Variants in EPS8L1 observed in about 807,000 individuals in gnomAD.
EPS8L1 encodes the protein epidermal growth factor receptor kinase substrate 8-like protein 1.
EPS8L1 carries 101 observed loss-of-function variants against 91.7 expected under a neutral mutation model. The observed-to-expected ratio is 1.10, with a 90% CI of 0.94 to 1.30. The LOEUF (loss-of-function observed/expected upper bound fraction) is 1.30. Among genes scored for constraint, EPS8L1 ranks in the 50% most tolerant of loss-of-function variants. EPS8L1 has a pLI of 0.00. For missense variants in EPS8L1, 1,114 were observed against 1,017.0 expected (o/e 1.10, Z -1.30); for synonymous variants, 506 against 445.3 (o/e 1.14, Z -1.72).
Position 55,087,594 on chromosome 19 carries a change from G to A in EPS8L1, c.2152G>A (p.Val718Met). The A allele has an allele frequency of 1.2e-6, 2 of 1,614,230 alleles. No homozygotes were observed. The highest frequency in any genetic ancestry group is 1.3e-5 in the African/African-American group (1 of 75,048). ...EKQKKKVEGE[V>M]EMEVI Reference sequence around the variant, plus strand: ...GCAAAAGAAGAAGGTGGAAGGCGAGGTGGAAATGGAGGTCATTTGACCTGC... The same window carrying A: ...GCAAAAGAAGAAGGTGGAAGGCGAGATGGAAATGGAGGTCATTTGACCTGC... The change falls in exon 20 of 20, where the codon GTG becomes ATG. Residue 718 changes from valine to methionine, a missense_variant. Physicochemically the swap from Val to Met is conservative, Grantham distance 21. Coordinates refer to ENST00000201647, the MANE Select transcript of EPS8L1 (RefSeq NM_133180.3).
intron 17 of EPS8L1, 78 bp from the exon 18 acceptor site, chr19:55,086,636 C>CCCCCCCCCCCCCCCCCCAGGG: frequency 5.2e-6 from 5 of 956,948 alleles, no homozygotes; most frequent in Non-Finnish European, 7.1e-6. Context: ...CGCTGGAGCG[C>CCCCCCCCCCCCCCCCCCAGGG]CCCCCCGCCC....
intron 5 of EPS8L1, 117 bp from the exon 6 acceptor site, chr19:55,080,012 T>A: frequency 6.9e-7 from 1 of 1,440,808 alleles, no homozygotes; most frequent in South Asian, 1.4e-5. Flanking sequence ...ACAGGGCTGT[T>A]ATCCCTAACC....
intron 5 of EPS8L1, 67 bp downstream of exon 5, chr19:55,079,918 CT>C: frequency 1.3e-6 from 2 of 1,515,656 alleles, no homozygotes; most frequent in Non-Finnish European, 1.8e-6. Flanking sequence ...GGGTGTGAAT[CT>C]TGGCTCCTGC....
Position 55,080,165 on chromosome 19 carries a change from C to A in EPS8L1, c.316C>A (p.Arg106Ser). 1 of 1,527,984 alleles carries A rather than the reference C, an allele frequency of 6.5e-7. No individual in the cohort carries two copies. The highest frequency in any genetic ancestry group is 8.8e-7 in the Non-Finnish European group (1 of 1,131,400). 94.7% of individuals were successfully genotyped at this position (1,527,984 alleles called of 1,614,324 possible). A position where few individuals can be genotyped will look rare whatever the true frequency, so the allele number is the denominator to read the frequency against. ...GTCGTACCCACTGGGCGCCATCGTGCGCTGTGACGCGGTGATGCCACCCGG... is the reference window on the plus strand; with the variant it reads ...GTCGTACCCACTGGGCGCCATCGTGAGCTGTGACGCGGTGATGCCACCCGG... ...LESYPLGAIVRCDAVMPPGRS... is the reference protein window; with the variant it reads ...LESYPLGAIVSCDAVMPPGRS... The change falls in exon 6 of 20, where the codon CGC becomes AGC. Residue 106 changes from arginine (R) to serine (S), a missense_variant. By Grantham distance (110) the Arg-to-Ser change is moderately radical (BLOSUM62 -1). Transcript: ENST00000201647.
At chr19:55,079,654 C>T (rs2076210300) in intron 4 of EPS8L1, 36 bp from the exon 5 acceptor site, 12 of 1,600,958 alleles carry the variant, frequency 7.5e-6, no homozygotes, top group Non-Finnish European at 1.0e-5. Flanking sequence ...CTGGCATCAT[C>T]TTGGGCCTCA....
Position 55,082,274 on chromosome 19 carries a change from G to A in EPS8L1, c.991-1G>A, listed in dbSNP as rs2076283849. The A allele has an allele frequency of 6.2e-7, 1 of 1,611,478 alleles. No individual in the cohort carries two copies. Among genetic ancestry groups the A allele is most frequent in the Non-Finnish European group, 8.5e-7 (1 of 1,179,374 alleles). ...CAACCACCTCCCTCCCCACGCCCCA[G>A]GCCCGGCTGCGCGGCAACATCGCCG... On this transcript the variant is annotated splice_acceptor_variant, in intron 10 of 19. Coordinates refer to ENST00000201647, the MANE Select transcript of EPS8L1 (RefSeq NM_133180.3). LOFTEE classifies it high-confidence loss of function.
In EPS8L1 at chr19:55,082,516, G is replaced by C; in HGVS notation, c.1128G>C (p.Ser376=). 1 of 1,612,314 alleles carries C rather than the reference G, an allele frequency of 6.2e-7. No homozygotes were observed. The highest frequency in any genetic ancestry group is 8.5e-7 in the Non-Finnish European group (1 of 1,179,720). The change falls in exon 12 of 20, where the codon TCG becomes TCC. Residue 376 remains serine, a synonymous_variant. Coordinates refer to ENST00000201647, the MANE Select transcript of EPS8L1 (RefSeq NM_133180.3). ...ASSVRRPHLT[S]DAVALLRDNV... ...GTGTGCGGCGGCCGCATCTGACATC[G>C]GATGCCGTGGCGCTGCTGCGGGACA...
chr19:55,077,663 A>C (rs2076157182), intron 2 of EPS8L1, among the ~76,000 whole-genome samples: 1 of 134,732 alleles, frequency 7.4e-6, no homozygotes, highest in South Asian at 2.3e-4. Flanking sequence ...ATCTGGACTC[A>C]CTGCAACCTC....
In EPS8L1 at chr19:55,076,398, T is replaced by C; in HGVS notation, c.-37-10T>C. 2 of 1,608,676 alleles carry C rather than the reference T, an allele frequency of 1.2e-6. No individual in the cohort carries two copies. The highest frequency in any genetic ancestry group is 1.7e-6 in the Non-Finnish European group (2 of 1,177,384). ...ACTGGCCAGGCCTTCACATGTTTGC[T>C]GGCTCCCAGGGCACCTCCAGGTGGG... On this transcript the variant is annotated splice_polypyrimidine_tract_variant and intron_variant, in intron 1 of 19. Transcript: ENST00000201647.
chr19:55,079,367 G>T (rs191607970), intron 4 of EPS8L1, among the ~76,000 whole-genome samples: 1 of 152,188 alleles, frequency 6.6e-6, no homozygotes, highest in South Asian at 2.1e-4. Flanking sequence ...CCACAGAGGC[G>T]CCTGGTGCTC....
chr19:55,080,315 ACTGGGCGGAGCCTGGAGC>A, intron 6 of EPS8L1, 37 bp downstream of exon 6: 1 of 1,538,902 alleles, frequency 6.5e-7, no homozygotes, highest in Non-Finnish European at 8.8e-7. Context: ...TGGAGCTGGA[ACTGGGCGGAGCCTGGAGC>A]CGGGGCGGAA....
Position 55,076,435 on chromosome 19 carries a change from A to AGGTG in EPS8L1, c.-10_-9insGGTG. ...CACCTCCAGGTGGGCAGGAGCTACCACTCAGCACCATGAGCACCGCCACAG... is the reference window on the plus strand; with the variant it reads ...CACCTCCAGGTGGGCAGGAGCTACCAGGTGCTCAGCACCATGAGCACCGCCACAG... On this transcript the variant is annotated 5_prime_UTR_variant, in exon 2 of 20. Coordinates refer to ENST00000201647, the MANE Select transcript of EPS8L1 (RefSeq NM_133180.3). 1 of 1,612,048 alleles carries AGGTG rather than the reference A, an allele frequency of 6.2e-7. No individual in the cohort carries two copies. The highest frequency in any genetic ancestry group is 8.5e-7 in the Non-Finnish European group (1 of 1,179,190).
chr19:55,080,044 C>G, intron 5 of EPS8L1, 85 bp from the exon 6 acceptor site: 2 of 1,452,442 alleles, frequency 1.4e-6, no homozygotes, highest in African/African-American at 1.4e-5. Flanking sequence ...TGAGGTTGCC[C>G]TGACCTGCTG....
chr19:55,078,134 CG>C lies in EPS8L1; in HGVS notation c.58+12del, dbSNP rs1040223287. The C allele has an allele frequency of 3.7e-6, 6 of 1,612,656 alleles. No homozygotes were observed. Among genetic ancestry groups the C allele is most frequent in the Non-Finnish European group, 5.1e-6 (6 of 1,179,434 alleles). ...AAGCGCCAAGTCTATCTATGGTGAGCGGGGGGCAAGGGAGCCCCAGGCCCAT... is the reference window on the plus strand; with the variant it reads ...AAGCGCCAAGTCTATCTATGGTGAGCGGGGGCAAGGGAGCCCCAGGCCCAT... On this transcript the variant is annotated splice_region_variant and intron_variant, in intron 3 of 19. Coordinates refer to ENST00000201647, the MANE Select transcript of EPS8L1 (RefSeq NM_133180.3).
In EPS8L1 at chr19:55,080,565, C is replaced by T. The variant is rs1218196644; in HGVS notation, c.430-207C>T. On this transcript the variant is annotated intron_variant, in intron 6 of 19. Coordinates refer to ENST00000201647, the MANE Select transcript of EPS8L1 (RefSeq NM_133180.3). ...AGGTGGGGGCGAGGAACCACCCGGA[C>T]TGGGTCTCCATGGGCGGGGTCGTGG... The T allele has an allele frequency of 7.5e-6, 12 of 1,609,676 alleles. No individual in the cohort carries two copies. In the East Asian group the frequency reaches 2.7e-4, roughly 36 times the overall value.
At chr19:55,082,701 G>GT in intron 12 of EPS8L1, 99 bp downstream of exon 12, 1 of 1,190,520 alleles carries the variant, frequency 8.4e-7, no homozygotes, top group South Asian at 1.5e-5. Flanking sequence ...GACTAGGAGA[G>GT]TAGGGAGGGG....
chr19:55,081,968 G>A lies in EPS8L1; in HGVS notation c.901+69G>A, dbSNP rs1471789251. 43 of 1,561,238 alleles carry A rather than the reference G, an allele frequency of 2.8e-5. No homozygotes were observed. The highest frequency in any genetic ancestry group is 3.6e-5 in the Non-Finnish European group (42 of 1,152,512). ...CTTCCAAATGTCCCCGCTCTCCCCA[G>A]GCTCTCCCCTCCCGCCACTTGCCAG... On this transcript the variant is annotated intron_variant, in intron 9 of 19. Coordinates refer to ENST00000201647, the MANE Select transcript of EPS8L1 (RefSeq NM_133180.3). The surrounding 1 kb of genome is among the most constrained non-coding windows in gnomAD (Gnocchi z 4.9).
Position 55,079,657 on chromosome 19 carries a change from G to T in EPS8L1, c.118-33G>T, listed in dbSNP as rs111227085. On this transcript the variant is annotated intron_variant, in intron 4 of 19. Coordinates refer to ENST00000201647, the MANE Select transcript of EPS8L1 (RefSeq NM_133180.3). Reference sequence around the variant, plus strand: ...TTCTGAGCCCACCTGGCATCATCTTGGGCCTCACTGCTTTCTCCATGGTCC... The same window carrying T: ...TTCTGAGCCCACCTGGCATCATCTTTGGCCTCACTGCTTTCTCCATGGTCC... The T allele has an allele frequency of 4.4e-4, 697 of 1,602,070 alleles. 5 individuals are homozygous for T. The African/African-American group carries it at 7.4e-3, about 17-fold the overall frequency.
In EPS8L1 at chr19:55,083,263, C is replaced by T. The variant is rs879033999; in HGVS notation, c.1215-115C>T. On this transcript the variant is annotated intron_variant, in intron 12 of 19. Transcript: ENST00000201647. The surrounding 1 kb of genome is among the most constrained non-coding windows in gnomAD (Gnocchi z 4.7). ...CAGGACTTGGTGAAAAGTGGCGGGG[C>T]TAGAATCGTTGGAATACAGCGAGCT... is the stretch of plus-strand genomic sequence containing the variant. 5.6e-5 allele frequency: 75 copies of T among 1,347,090 alleles called. No individual in the cohort carries two copies. Among genetic ancestry groups the T allele is most frequent in the Non-Finnish European group, 7.2e-5 (72 of 1,001,222 alleles). The allele number at this position is 1,347,090 out of a possible 1,614,324, so 83.4% of individuals were successfully genotyped here.
Sources: gnomAD v4.1 joint callset for allele counts (sites outside exome capture counted in the v4.1 genomes callset) on GRCh38, gnomAD v4.1.1 for gene constraint, Gnocchi (gnomAD v3.1) non-coding constraint, MANE v1.5 for transcripts, NCBI Gene and HGNC (gene_info 2026-07-23, HGNC 2026-07-21) for gene names.